The following RARB variants were observed in gnomAD, a reference collection of about 807,000 sequenced individuals.
RARB encodes the protein retinoic acid receptor beta.
Under a neutral mutation model 51.9 loss-of-function variants are expected in RARB, and 17 were observed. That is an observed-to-expected ratio of 0.33 (90% confidence interval 0.22 to 0.49). The LOEUF (loss-of-function observed/expected upper bound fraction) is 0.49. Ranked by LOEUF, RARB falls within the 20% of genes least tolerant of loss-of-function variation. The pLI is 0.99. For missense variants in RARB, 369 were observed against 550.8 expected (o/e 0.67, Z 3.30); for synonymous variants, 215 against 195.4 (o/e 1.10, Z -0.84).
At chr3:25,059,134 A>G (rs963716476) in intron 2 of RARB, among the ~76,000 whole-genome samples, 1 of 151,758 alleles carries the variant, frequency 6.6e-6, no homozygotes, top group East Asian at 1.9e-4. Context: ...GAATTTTCCC[A>G]TGATATTTTA....
At chr3:25,008,486 C>T (rs536419859) in intron 2 of RARB, among the ~76,000 whole-genome samples, 1 of 152,168 alleles carries the variant, frequency 6.6e-6, no homozygotes, top group African/African-American at 2.4e-5. Context: ...TGAGTAGCTA[C>T]CTTATCCTTT....
Position 25,456,682 on chromosome 3 carries a change from T to TATATATAG in RARB, c.158-4510_158-4509insTATATAGA, listed in dbSNP as rs1491372969. On this transcript the variant is annotated intron_variant, in intron 1 of 7. Transcript: ENST00000330688. The stretch of plus-strand genomic sequence containing the variant: ...TTGAATATATATATATATATATATA[T>TATATATAG]AGAGAGAGAGAGAGAGAGAGAGAGA... Among the ~76,000 whole-genome samples, 71 of 88,350 alleles carry TATATATAG rather than the reference T, an allele frequency of 8.0e-4. 1 individual carries two copies. Among genetic ancestry groups the TATATATAG allele is most frequent in the East Asian group, 3.4e-3 (9 of 2,684 alleles). The allele number at this position is 88,350 out of a possible 152,430, so 58.0% of individuals were successfully genotyped here.
chr3:25,086,082 G>T (rs996930291), intron 3 of RARB, among the ~76,000 whole-genome samples: 1 of 152,096 alleles, frequency 6.6e-6, no homozygotes, highest in Non-Finnish European at 1.5e-5. Context: ...ACTATATCCA[G>T]ATCTCTTAGT....
intron 2 of RARB, among the ~76,000 whole-genome samples, chr3:24,894,658 T>C (rs896084695): frequency 3.3e-5 from 5 of 152,222 alleles, no homozygotes; most frequent in Non-Finnish European, 7.3e-5. Context: ...GAATAATAAT[T>C]ATTCAGAAAG....
At chr3:25,236,773 G>T (rs1196309068) in intron 5 of RARB, among the ~76,000 whole-genome samples, 1 of 151,906 alleles carries the variant, frequency 6.6e-6, no homozygotes, top group Non-Finnish European at 1.5e-5. Flanking sequence ...GAAAAATAGA[G>T]TGGAATTTCT....
intron 3 of RARB, among the ~76,000 whole-genome samples, chr3:25,564,456 G>T (rs1387624174): frequency 6.6e-6 from 1 of 152,018 alleles, no homozygotes. Context: ...TCAACCTTCT[G>T]GCTACTACTG....
At chr3:25,500,723 C>G (rs1037816120) in intron 2 of RARB, among the ~76,000 whole-genome samples, 1 of 152,092 alleles carries the variant, frequency 6.6e-6, no homozygotes, top group African/African-American at 2.4e-5. Flanking sequence ...AAATGATCCT[C>G]CTGCCTCAGC....
At position 25,597,082 on chromosome 3, in the gene RARB, T is replaced by TAAC. The variant is rs1375531569; in HGVS notation, c.*467_*469dup. ...ACACGTCTACCTAGGTTCAAAAAGA[T>TAAC]AACTGTCTTGCTTTCATGGAATAGT... On this transcript the variant is annotated 3_prime_UTR_variant, in exon 8 of 8. Transcript: ENST00000330688. The TAAC allele has an allele frequency of 6.5e-6, 1 of 153,782 alleles. No homozygotes were observed. 9.5% of individuals were successfully genotyped at this position (153,782 alleles called of 1,614,324 possible).
At chr3:24,893,893 C>G (rs1703433271) in intron 2 of RARB, among the ~76,000 whole-genome samples, 1 of 152,082 alleles carries the variant, frequency 6.6e-6, no homozygotes, top group South Asian at 2.1e-4. Flanking sequence ...CTTTCACTTG[C>G]TTTTCAGATA....
In RARB at chr3:25,278,662, T is replaced by A. The variant is rs182611448; in HGVS notation, c.178+104087T>A. 3.8e-3 allele frequency among the ~76,000 whole-genome samples: 579 copies of A among 152,342 alleles called. 1 individual carries two copies. The highest frequency in any genetic ancestry group is 6.3e-3 in the Admixed American group (97 of 15,296). Reference sequence around the variant, plus strand: ...ATCTAAATGGGTAGAAACCCAGATATAGCTTCTTGAAAGTAAGCAGAAAGA... The same window carrying A: ...ATCTAAATGGGTAGAAACCCAGATAAAGCTTCTTGAAAGTAAGCAGAAAGA... On this transcript the variant is annotated intron_variant, in intron 5 of 11. Transcript: ENST00000383772.
intron 5 of RARB, among the ~76,000 whole-genome samples, chr3:25,239,938 A>G (rs530095228): frequency 1.4e-4 from 22 of 151,844 alleles, no homozygotes; most frequent in African/African-American, 4.6e-4. Context: ...ATGCCTTTCC[A>G]TTTGTTTGTG....
At chr3:24,880,917 C>T (rs1703146443) in intron 2 of RARB, among the ~76,000 whole-genome samples, 1 of 152,120 alleles carries the variant, frequency 6.6e-6, no homozygotes, top group Non-Finnish European at 1.5e-5. Context: ...AGACTTAATC[C>T]TCATATGTAG....
chr3:25,294,048 G>A (rs1703857019), intron 5 of RARB, among the ~76,000 whole-genome samples: 1 of 152,166 alleles, frequency 6.6e-6, no homozygotes, highest in Admixed American at 6.6e-5. Context: ...AGGAGGGGAT[G>A]TTCACCGAAG....
At chr3:24,988,971 G>A (rs1240864329) in intron 2 of RARB, among the ~76,000 whole-genome samples, 3 of 152,080 alleles carry the variant, frequency 2.0e-5, no homozygotes, top group Admixed American at 6.5e-5. Flanking sequence ...GATTACAGGC[G>A]TGTGCCACCA....
At chr3:24,929,147 TATTTA>T (rs1307584268) in intron 2 of RARB, among the ~76,000 whole-genome samples, 1 of 152,124 alleles carries the variant, frequency 6.6e-6, no homozygotes, top group Non-Finnish European at 1.5e-5. Context: ...GAAAATAATA[TATTTA>T]ATTAGTAAAC....
In RARB at chr3:24,913,403, T is replaced by TCTC. The variant is rs57337102; in HGVS notation, c.-380+54651_-380+54652insCTC. ...ATAGTCTTCTTTCTCTCTCTCTCTC[T>TCTC]TTTTTTTTTTTTTTTTTTGGTCAGA... On this transcript the variant is annotated intron_variant, in intron 2 of 11. Transcript: ENST00000383772. 3.7e-3 allele frequency among the ~76,000 whole-genome samples: 438 copies of TCTC among 118,072 alleles called. 2 individuals are homozygous for TCTC. Among genetic ancestry groups the TCTC allele is most frequent in the African/African-American group, 0.012 (337 of 27,966 alleles). 77.5% of individuals were successfully genotyped at this position (118,072 alleles called of 152,430 possible). A position where few individuals can be genotyped will look rare whatever the true frequency, so the allele number is the denominator to read the frequency against.
At chr3:25,233,340 A>G (rs1702227336) in intron 5 of RARB, among the ~76,000 whole-genome samples, 1 of 152,154 alleles carries the variant, frequency 6.6e-6, no homozygotes, top group Non-Finnish European at 1.5e-5. Flanking sequence ...GTCAAGGAGC[A>G]TCTGTATAGT....
intron 4 of RARB, among the ~76,000 whole-genome samples, chr3:25,156,345 T>C (rs1700373515): frequency 6.6e-6 from 1 of 152,072 alleles, no homozygotes; most frequent in Non-Finnish European, 1.5e-5. Context: ...TTGTGGAATC[T>C]CATTCATCTC....
intron 3 of RARB, among the ~76,000 whole-genome samples, chr3:25,524,352 C>T (rs1302036491): frequency 6.6e-6 from 1 of 152,098 alleles, no homozygotes; most frequent in Admixed American, 6.5e-5. Context: ...AGTACTTTTA[C>T]AGTCAAGGTC....
Sources: allele counts gnomAD v4.1 joint callset (sites outside exome capture counted in the v4.1 genomes callset), GRCh38; gene constraint gnomAD v4.1.1; transcripts MANE v1.5; gene names NCBI Gene and HGNC (gene_info 2026-07-23, HGNC 2026-07-21).